Variants in PHF20 observed in about 807,000 individuals in gnomAD.
PHF20 encodes PHD finger protein 20.
In PHF20, 23 loss-of-function variants were observed where a neutral mutation model predicts 113.5. That is an observed-to-expected ratio of 0.20 (90% CI 0.15 to 0.29). The LOEUF is 0.29. PHF20 is among the 10% of genes least tolerant of loss of function. The pLI, the probability that PHF20 is intolerant of heterozygous loss-of-function variation, is 1.00. For synonymous variants in PHF20, 434 were observed against 457.3 expected, an observed-to-expected ratio of 0.95 and a Z score of 0.65; for missense variants, 943 against 1,219.6, an observed-to-expected ratio of 0.77 and a Z score of 3.38.
rs571348580 is a variant in PHF20 at position 35,820,504 on chromosome 20, A to G, written c.83+18899A>G. Among the ~76,000 whole-genome samples the G allele has an allele frequency of 4.8e-5, 7 of 147,104 alleles. No homozygotes were observed. The East Asian group carries it at 1.4e-3, about 29-fold the overall frequency. ...CACTCTGCCACCCAGGCTGGAGTGC[A>G]GTGGCATGATCTTGGCTCACTGCAA... On this transcript the variant is annotated intron_variant, in intron 2 of 17. Coordinates refer to ENST00000374012, the MANE Select transcript of PHF20 (RefSeq NM_016436.5).
At chr20:35,872,464 G>A (rs1005996550) in intron 9 of PHF20, among the ~76,000 whole-genome samples, 2 of 152,070 alleles carry the variant, frequency 1.3e-5, no homozygotes, top group Non-Finnish European at 2.9e-5. Context: ...CGGAGGTTGC[G>A]GTGAGCCAAG....
chr20:35,897,601 C>G (rs943059442), intron 9 of PHF20, among the ~76,000 whole-genome samples: 4 of 123,538 alleles, frequency 3.2e-5, no homozygotes, highest in Admixed American at 1.0e-4. Context: ...GGGTCTTGCT[C>G]TGTCGCCCAG....
intron 15 of PHF20, among the ~76,000 whole-genome samples, chr20:35,933,626 T>TGACCTTGCGATCCACC (rs2055807638): frequency 1.3e-5 from 2 of 152,266 alleles, no homozygotes; most frequent in South Asian, 4.1e-4. Flanking sequence ...CTCGATCTAC[T>TGACCTTGCGATCCACC]GACCTTGCGA....
Position 35,899,528 on chromosome 20 carries a change from A to G in PHF20, c.1441A>G (p.Lys481Glu), listed in dbSNP as rs1003141099. ...YHMKYFHGME[K>E]SLEPEESPGK... Reference sequence around the variant, plus strand: ...CATGAAGTATTTCCATGGAATGGAGAAGTCACTGGAGCCAGAAGAGAGCCC... The same window carrying G: ...CATGAAGTATTTCCATGGAATGGAGGAGTCACTGGAGCCAGAAGAGAGCCC... The change falls in exon 10 of 18, where the codon AAG becomes GAG. Residue 481 changes from lysine to glutamate, a missense_variant. Lys to Glu is a moderately conservative substitution (Grantham distance 56). Coordinates refer to ENST00000374012, the MANE Select transcript of PHF20 (RefSeq NM_016436.5). 5.6e-6 allele frequency: 9 copies of G among 1,614,082 alleles called. No individual in the cohort carries two copies. The African/African-American group carries it at 1.2e-4, about 22-fold the overall frequency.
chr20:35,915,937 C>G lies in PHF20; in HGVS notation c.1826-1547C>G, dbSNP rs528419570. Among the ~76,000 whole-genome samples, 644 of 152,110 alleles carry G rather than the reference C, an allele frequency of 4.2e-3. 3 individuals are homozygous for G. The highest frequency in any genetic ancestry group is 7.6e-3 in the Non-Finnish European group (514 of 67,978). ...ATTGCTTGACCCCAGAAGTTCAAGA[C>G]CAGCCTGGGCAACATGGCAAACCTT... On this transcript the variant is annotated intron_variant, in intron 12 of 17. Coordinates refer to ENST00000374012, the MANE Select transcript of PHF20 (RefSeq NM_016436.5).
rs759488061 is a variant in PHF20, at chr20:35,842,736, G to A, written c.247G>A (p.Gly83Arg). 2.5e-6 allele frequency: 4 copies of A among 1,613,082 alleles called. No individual in the cohort carries two copies. The highest frequency in any genetic ancestry group is 3.3e-5 in the Admixed American group (2 of 59,716). The change falls in exon 3 of 18, where the codon GGA becomes AGA. Residue 83 changes from glycine (G) to arginine (R), a missense_variant. By Grantham distance (125) the Gly-to-Arg change is moderately radical. Around this residue, in one of 3 missense-constraint regions of PHF20, gnomAD observed 592 missense variants for 787.2 expected, o/e 0.75. Coordinates refer to ENST00000374012, the MANE Select transcript of PHF20 (RefSeq NM_016436.5). ...GAAAGAGGGCTTGCATGAAGAGGAT[G>A]GATCTTCTGTGAGTAACAAATCTGG... ...LRKEGLHEED[G>R]SSEFQINEQV...
intron 13 of PHF20, 92 bp downstream of exon 13, chr20:35,917,754 G>A: frequency 9.0e-7 from 1 of 1,115,784 alleles, no homozygotes; most frequent in Non-Finnish European, 1.3e-6. Flanking sequence ...AGTCATAGCA[G>A]AGCCCCAGAA....
At chr20:35,831,038 A>G (rs6088942) in intron 2 of PHF20, among the ~76,000 whole-genome samples, 1,532 of 152,286 alleles carry the variant, frequency 0.01, 15 homozygotes, top group Non-Finnish European at 0.015. Flanking sequence ...CTGCAGACAT[A>G]TAAAGTTGTC....
intron 1 of PHF20, among the ~76,000 whole-genome samples, chr20:35,787,679 G>T (rs528911547): frequency 6.7e-6 from 1 of 149,560 alleles, no homozygotes; most frequent in East Asian, 2.0e-4. Context: ...TCTAGACGAG[G>T]TTTCACCATG....
intron 1 of PHF20, among the ~76,000 whole-genome samples, chr20:35,789,755 C>T (rs987615612): frequency 2.7e-5 from 4 of 150,760 alleles, no homozygotes; most frequent in Non-Finnish European, 5.9e-5. Flanking sequence ...ACCATGTCGG[C>T]TAGGCTGGTC....
intron 1 of PHF20, among the ~76,000 whole-genome samples, chr20:35,794,773 CTT>C (rs1000872441): frequency 1.3e-5 from 2 of 152,186 alleles, no homozygotes; most frequent in South Asian, 4.1e-4. Flanking sequence ...TGTTGTCCCT[CTT>C]TTCCCTGAGC....
intron 5 of PHF20, among the ~76,000 whole-genome samples, chr20:35,860,897 TAA>T (rs2054207303): frequency 1.3e-5 from 2 of 152,202 alleles, no homozygotes; most frequent in African/African-American, 4.8e-5. Context: ...CGATACTCAG[TAA>T]ATTGATGGAT....
At chr20:35,860,109 G>A (rs1408017553) in intron 5 of PHF20, among the ~76,000 whole-genome samples, 1 of 152,000 alleles carries the variant, frequency 6.6e-6, no homozygotes. Flanking sequence ...AGTAGACGGG[G>A]TTTCACCATG....
intron 4 of PHF20, among the ~76,000 whole-genome samples, chr20:35,856,205 C>T (rs1311349786): frequency 6.6e-6 from 1 of 152,092 alleles, no homozygotes; most frequent in Non-Finnish European, 1.5e-5. Context: ...GTGAGAACAT[C>T]AAAGTTTGTC....
chr20:35,783,583 ATTTTTTT>A (rs760338473), intron 1 of PHF20, among the ~76,000 whole-genome samples: 1 of 142,762 alleles, frequency 7.0e-6, no homozygotes, highest in Non-Finnish European at 1.5e-5. Flanking sequence ...CGCTTGGCTA[ATTTTTTT>A]TTTTTTTTTA....
At chr20:35,812,049 A>G (rs924331202) in intron 2 of PHF20, among the ~76,000 whole-genome samples, 2 of 152,208 alleles carry the variant, frequency 1.3e-5, no homozygotes, top group Non-Finnish European at 2.9e-5. Flanking sequence ...CTGGGATTAC[A>G]GGCATGAGCC....
intron 10 of PHF20, among the ~76,000 whole-genome samples, chr20:35,908,614 T>G (rs2055242245): frequency 6.6e-6 from 1 of 151,762 alleles, no homozygotes; most frequent in Admixed American, 6.6e-5. Flanking sequence ...TGTGGAGGAG[T>G]GTGGGTGAAG....
At chr20:35,805,966 G>A (rs2041872899) in intron 2 of PHF20, among the ~76,000 whole-genome samples, 1 of 151,776 alleles carries the variant, frequency 6.6e-6, no homozygotes, top group Admixed American at 6.6e-5. Context: ...CTGGGTTCAA[G>A]CGATTCTCCT....
At chr20:35,824,983 A>T (rs907560417) in intron 2 of PHF20, among the ~76,000 whole-genome samples, 8 of 152,120 alleles carry the variant, frequency 5.3e-5, no homozygotes, top group African/African-American at 1.9e-4. Flanking sequence ...CCCATTCATC[A>T]GTTGTTGGGT....
Sources: gnomAD v4.1 joint callset for allele counts (sites outside exome capture counted in the v4.1 genomes callset) on GRCh38, gnomAD v4.1.1 for gene constraint, gnomAD v4.1.1 regional missense constraint, MANE v1.5 for transcripts, NCBI Gene and HGNC (gene_info 2026-07-23, HGNC 2026-07-21) for gene names.